The following IMPDH1 variants were observed in gnomAD, a reference collection of about 807,000 sequenced individuals.
IMPDH1 encodes inosine-5'-monophosphate dehydrogenase 1.
IMPDH1 carries 41 observed loss-of-function variants against 73.5 expected under a neutral mutation model. That is an observed-to-expected ratio of 0.56 (90% CI 0.43 to 0.72). The LOEUF (loss-of-function observed/expected upper bound fraction) is 0.72. Ranked by LOEUF, IMPDH1 falls within the 30% of genes least tolerant of loss-of-function variation. The pLI is 0.00. For synonymous variants in IMPDH1, 318 were observed against 334.3 expected (o/e 0.95, Z 0.53); for missense variants, 645 against 824.8 (o/e 0.78, Z 2.67).
In IMPDH1 at chr7:128,397,002, C is replaced by A. The variant is rs371337802; in HGVS notation, c.1095G>T (p.Ser365=). The A allele has an allele frequency of 1.2e-6, 2 of 1,613,884 alleles. No homozygotes were observed. Among genetic ancestry groups the A allele is most frequent in the Non-Finnish European group, 8.5e-7 (1 of 1,179,802 alleles). The change falls in exon 11 of 17, where the codon TCG becomes TCT. Residue 365 remains serine (S), a synonymous_variant. Coordinates refer to ENST00000338791, the MANE Select transcript of IMPDH1 (RefSeq NM_000883.4). ...VIVLDSSQGN[S]VYQIAMVHYI... ...AATGCACCATGGCGATCTGATACAC[C>A]GAATTCCCTTGGGACGAGTCCTGTG...
chr7:128,396,361 C>T lies in IMPDH1; in HGVS notation c.1261+239G>A, dbSNP rs1399742498. 6.6e-6 allele frequency among the ~76,000 whole-genome samples: 1 copy of T among 152,214 alleles called. No individual in the cohort carries two copies. The highest frequency in any genetic ancestry group is 1.5e-5 in the Non-Finnish European group (1 of 68,038). On this transcript the variant is annotated intron_variant, in intron 12 of 16. Transcript: ENST00000338791. The surrounding 1 kb of genome is among the most constrained non-coding windows in gnomAD (Gnocchi z 4.0). ...GGACAGTCACACCAGCCCCAGGCCCCAAGCCCCAGGCAGAGCCCCCTTGAC... is the reference window on the plus strand; with the variant it reads ...GGACAGTCACACCAGCCCCAGGCCCTAAGCCCCAGGCAGAGCCCCCTTGAC...
intron 10 of IMPDH1, 34 bp from the exon 11 acceptor site, chr7:128,397,056 C>T (rs1384373844): frequency 6.7e-7 from 1 of 1,485,362 alleles, no homozygotes; most frequent in South Asian, 1.1e-5. Context: ...TGGGCTTAGA[C>T]AGCTGAGGAT....
Position 128,394,263 on chromosome 7 carries a change from G to A in IMPDH1, c.1778+15C>T, listed in dbSNP as rs774037794. On this transcript the variant is annotated intron_variant, in intron 16 of 16. Coordinates refer to ENST00000338791, the MANE Select transcript of IMPDH1 (RefSeq NM_000883.4). The surrounding 1 kb of genome is among the most constrained non-coding windows in gnomAD (Gnocchi z 5.5). ...CACTGCCTCCAAGTGACAGCAAGGAGGCCACCACACTTACGAGTGCAGGCC... is the reference window on the plus strand; with the variant it reads ...CACTGCCTCCAAGTGACAGCAAGGAAGCCACCACACTTACGAGTGCAGGCC... 8 of 1,610,380 alleles carry A rather than the reference G, an allele frequency of 5.0e-6. No individual in the cohort carries two copies. The highest frequency in any genetic ancestry group is 4.5e-5 in the East Asian group (2 of 44,846).
At chr7:128,404,902 G>A (rs1798601561) in intron 4 of IMPDH1, among the ~76,000 whole-genome samples, 1 of 152,224 alleles carries the variant, frequency 6.6e-6, no homozygotes, top group Admixed American at 6.5e-5. Flanking sequence ...GCAGGCAGGA[G>A]GAGACACTCC....
Position 128,396,601 on chromosome 7 carries a change from T to G in IMPDH1, c.1260A>C (p.Glu420Asp). Residue 420 changes from glutamate to aspartate, a missense_variant and splice_region_variant, in exon 12 of 17, where the codon GAA becomes GAC. Physicochemically the swap from Glu to Asp is conservative, Grantham distance 45. This residue lies in a region of IMPDH1 where 459 missense variants were observed against 638.2 expected (regional missense o/e 0.72). Transcript: ENST00000338791. This position sits in a 1 kb window ranked among gnomAD's most constrained non-coding sequence, Gnocchi z 4.0. ...MGCGSICITQ[E>D]VMACGRPQGT... ...ACTCGCTCACCTCCTGACACCCACCTTCCTGGGTGATGCAGATGGAGCCGC... is the reference window on the plus strand; with the variant it reads ...ACTCGCTCACCTCCTGACACCCACCGTCCTGGGTGATGCAGATGGAGCCGC... 6.4e-7 allele frequency: 1 copy of G among 1,551,210 alleles called. No homozygotes were observed. The highest frequency in any genetic ancestry group is 8.7e-7 in the Non-Finnish European group (1 of 1,146,468).
At position 128,394,396 on chromosome 7, in the gene IMPDH1, C is replaced by T. The variant is rs1797757894; in HGVS notation, c.1695-35G>A. On this transcript the variant is annotated intron_variant, in intron 15 of 16. Transcript: ENST00000338791. This position sits in a 1 kb window ranked among gnomAD's most constrained non-coding sequence, Gnocchi z 5.5. ...AGGTAGGTGGAGCAGATCAGGGCCA[C>T]CAAGGGTGGAGAAGAGCGAGAGAAA... 6.2e-7 allele frequency: 1 copy of T among 1,613,742 alleles called. No homozygotes were observed. Among genetic ancestry groups the T allele is most frequent in the Non-Finnish European group, 8.5e-7 (1 of 1,179,724 alleles).
At position 128,398,519 on chromosome 7, in the gene IMPDH1, C is replaced by T. The variant is rs761583072; in HGVS notation, c.969G>A (p.Lys323=). ...KKNRDYPLAS[K]DSQKQLLCGA... ...CACAGAGCAGCTGCTTCTGGGAATC[C>T]TTGGAGGCCAGAGGGTAGTCTCGGT... Residue 323 remains lysine (K), a synonymous_variant, in exon 10 of 17, where the codon AAG becomes AAA. Transcript: ENST00000338791. The surrounding 1 kb of genome is among the most constrained non-coding windows in gnomAD (Gnocchi z 4.3). 4 of 1,613,640 alleles carry T rather than the reference C, an allele frequency of 2.5e-6. No homozygotes were observed. Among genetic ancestry groups the T allele is most frequent in the South Asian group, 2.2e-5 (2 of 91,078 alleles).
At chr7:128,401,539 T>TGGAGGGAAGGGAGAGGCA (rs1343497857) in intron 5 of IMPDH1, among the ~76,000 whole-genome samples, 2 of 150,376 alleles carry the variant, frequency 1.3e-5, no homozygotes, top group Non-Finnish European at 3.0e-5. Context: ...GCCAGGGGAG[T>TGGAGGGAAGGGAGAGGCA]GGAGGGAAGG....
chr7:128,400,067 G>T (rs367797183), intron 9 of IMPDH1, 28 bp downstream of exon 9: 8 of 1,534,378 alleles, frequency 5.2e-6, no homozygotes, highest in Middle Eastern at 3.5e-4. Context: ...CAGGCTGGGG[G>T]TTGAGTTTTC....
intron 4 of IMPDH1, among the ~76,000 whole-genome samples, chr7:128,404,060 C>G (rs1215110919): frequency 6.6e-6 from 1 of 152,214 alleles, no homozygotes; most frequent in Non-Finnish European, 1.5e-5. Context: ...CACAGAAGTT[C>G]CCATATCGCC....
Position 128,394,751 on chromosome 7 carries a change from T to A in IMPDH1, c.1550+138A>T. 7.2e-7 allele frequency: 1 copy of A among 1,384,032 alleles called. No individual in the cohort carries two copies. Among genetic ancestry groups the A allele is most frequent in the South Asian group, 1.2e-5 (1 of 85,226 alleles). The allele number at this position is 1,384,032 out of a possible 1,614,324, so 85.7% of individuals were successfully genotyped here. A position where few individuals can be genotyped will look rare whatever the true frequency, so the allele number is the denominator to read the frequency against. On this transcript the variant is annotated intron_variant, in intron 14 of 16. Transcript: ENST00000338791. This position sits in a 1 kb window ranked among gnomAD's most constrained non-coding sequence, Gnocchi z 5.5. ...AGATGGCCCAGGGACAGATCCTGGGTCTGCTACTTAAGCCCTGTGCCTCAG... is the reference window on the plus strand; with the variant it reads ...AGATGGCCCAGGGACAGATCCTGGGACTGCTACTTAAGCCCTGTGCCTCAG...
In IMPDH1 at chr7:128,394,635, G is replaced by T; in HGVS notation, c.1551-36C>A. ...GGTGGAAGACTGAGCCCAGCAGCTT[G>T]AAGCTCAGAGGACCCCACCCCACCT... On this transcript the variant is annotated intron_variant, in intron 14 of 16. Transcript: ENST00000338791. This position sits in a 1 kb window ranked among gnomAD's most constrained non-coding sequence, Gnocchi z 5.5. 1 of 1,611,198 alleles carries T rather than the reference G, an allele frequency of 6.2e-7. No homozygotes were observed. Among genetic ancestry groups the T allele is most frequent in the South Asian group, 1.1e-5 (1 of 91,052 alleles).
rs760593579 is a variant in IMPDH1, at chr7:128,396,574, G to C, written c.1261+26C>G. 7 of 1,505,026 alleles carry C rather than the reference G, an allele frequency of 4.7e-6. No individual in the cohort carries two copies. In the Admixed American group the frequency reaches 1.4e-4, roughly 30 times the overall value. The allele number at this position is 1,505,026 out of a possible 1,614,324, so 93.2% of individuals were successfully genotyped here. On this transcript the variant is annotated intron_variant, in intron 12 of 16. Coordinates refer to ENST00000338791, the MANE Select transcript of IMPDH1 (RefSeq NM_000883.4). This position sits in a 1 kb window ranked among gnomAD's most constrained non-coding sequence, Gnocchi z 4.0. ...AAAGGCGAGGCCCCGGGGCCAGCGG[G>C]CACTCGCTCACCTCCTGACACCCAC...
Position 128,398,684 on chromosome 7 carries a change from G to A in IMPDH1, c.875-71C>T. On this transcript the variant is annotated intron_variant, in intron 9 of 16. Coordinates refer to ENST00000338791, the MANE Select transcript of IMPDH1 (RefSeq NM_000883.4). The surrounding 1 kb of genome is among the most constrained non-coding windows in gnomAD (Gnocchi z 4.3). ...AAGTTTGGGAGATGTTTAGGAGGGT[G>A]AAGATGAAAGTGGACCACTCCAGAG... is the stretch of plus-strand genomic sequence containing the variant. The A allele has an allele frequency of 2.3e-6, 3 of 1,278,654 alleles. No homozygotes were observed. The highest frequency in any genetic ancestry group is 2.3e-5 in the East Asian group (1 of 43,162). 79.2% of individuals were successfully genotyped at this position (1,278,654 alleles called of 1,614,324 possible).
rs756851981 is a variant in IMPDH1, at chr7:128,400,365, C to A, written c.754G>T (p.Ala252Ser). ...IVTSRDIDFL[A>S]EKDHTTLLSE... The stretch of plus-strand genomic sequence containing the variant: ...AGGAGGGTGGTGTGGTCCTTCTCAG[C>A]AAGAAAGTCGATGTCTCGGGAGGTG... Residue 252 changes from alanine (A) to serine (S), a missense_variant, in exon 8 of 17, where the codon GCT (alanine) becomes TCT (serine). Physicochemically the swap from Ala to Ser is moderately conservative, Grantham distance 99. Coordinates refer to ENST00000338791, the MANE Select transcript of IMPDH1 (RefSeq NM_000883.4). 1.0e-4 allele frequency: 161 copies of A among 1,613,360 alleles called. No homozygotes were observed. Among genetic ancestry groups the A allele is most frequent in the Non-Finnish European group, 1.3e-4 (148 of 1,179,808 alleles).
chr7:128,403,759 G>A lies in IMPDH1; in HGVS notation c.354-5C>T, dbSNP rs1360600862. Reference sequence around the variant, plus strand: ...CCTGGGAGAATCAGGAAGTCGCTGTGAAGACAGAGAAGTGAGTGTTATTAG... The same window carrying A: ...CCTGGGAGAATCAGGAAGTCGCTGTAAAGACAGAGAAGTGAGTGTTATTAG... On this transcript the variant is annotated splice_region_variant and splice_polypyrimidine_tract_variant and intron_variant, in intron 4 of 16. Transcript: ENST00000338791. The A allele has an allele frequency of 6.2e-7, 1 of 1,613,728 alleles. No homozygotes were observed. The highest frequency in any genetic ancestry group is 8.5e-7 in the Non-Finnish European group (1 of 1,179,640).
intron 3 of IMPDH1, among the ~76,000 whole-genome samples, chr7:128,408,794 A>T (rs550848774): frequency 6.6e-6 from 1 of 152,296 alleles, no homozygotes; most frequent in East Asian, 1.9e-4. Context: ...TTTCTAGGAC[A>T]GGAGAAAGGC....
intron 2 of IMPDH1, 24 bp from the exon 3 acceptor site, chr7:128,409,376 G>A: frequency 1.2e-6 from 2 of 1,614,180 alleles, no homozygotes; most frequent in Non-Finnish European, 8.5e-7. Flanking sequence ...GCTAAGGAGG[G>A]GTAAGCCAAG....
chr7:128,397,610 G>A (rs1025203562), intron 10 of IMPDH1, among the ~76,000 whole-genome samples: 2 of 152,174 alleles, frequency 1.3e-5, no homozygotes, highest in Admixed American at 6.5e-5. Context: ...ATAGAATACA[G>A]ATGAATCTAG....
Sources: allele counts gnomAD v4.1 joint callset (sites outside exome capture counted in the v4.1 genomes callset), GRCh38; gene constraint gnomAD v4.1.1; regional missense constraint gnomAD v4.1.1; non-coding constraint Gnocchi (gnomAD v3.1); transcripts MANE v1.5; gene names NCBI Gene and HGNC (gene_info 2026-07-23, HGNC 2026-07-21).